Variants in NPAS1 observed in about 807,000 individuals in gnomAD.
The protein encoded by NPAS1 is neuronal PAS domain-containing protein 1.
A neutral mutation model predicts 49.2 loss-of-function variants in NPAS1; 29 were observed. The observed-to-expected ratio is 0.59, with a 90% confidence interval of 0.44 to 0.80. The LOEUF is 0.80. Ranked by LOEUF, NPAS1 falls within the 30% of genes least tolerant of loss-of-function variation. The pLI is 0.00. For synonymous variants in NPAS1, 408 were observed against 380.4 expected, an observed-to-expected ratio of 1.07 and a Z score of -0.84; for missense variants, 825 against 835.5, an observed-to-expected ratio of 0.99 and a Z score of 0.15.
chr19:47,020,910 CT>C, intron 1 of NPAS1, 95 bp from the exon 2 acceptor site: 1 of 385,044 alleles, frequency 2.6e-6, no homozygotes, highest in Non-Finnish European at 4.6e-6. Context: ...CCCCCCCCAG[CT>C]CCTTGCTGGG....
At chr19:47,044,859 A>C (rs2122566554) in intron 11 of NPAS1, among the ~76,000 whole-genome samples, 1 of 152,068 alleles carries the variant, frequency 6.6e-6, no homozygotes, top group African/African-American at 2.4e-5. Context: ...GCGACACCCC[A>C]TCTCTACTTA....
At chr19:47,043,437 A>C (rs1466746325) in intron 11 of NPAS1, among the ~76,000 whole-genome samples, 2 of 151,866 alleles carry the variant, frequency 1.3e-5, no homozygotes, top group African/African-American at 4.8e-5. Context: ...AAAATACAAA[A>C]AAATTAGCTG....
At position 47,021,656 on chromosome 19, in the gene NPAS1, C is replaced by G. The variant is rs1307460034; in HGVS notation, c.167C>G (p.Ser56Trp). 1 of 1,554,298 alleles carries G rather than the reference C, an allele frequency of 6.4e-7. No individual in the cohort carries two copies. Among genetic ancestry groups the G allele is most frequent in the African/African-American group, 1.4e-5 (1 of 71,324 alleles). Residue 56 changes from serine to tryptophan, a missense_variant, in exon 3 of 12, where the codon TCG (serine) becomes TGG (tryptophan). By Grantham distance (177) the Ser-to-Trp change is radical. Coordinates refer to ENST00000602212, the MANE Select transcript of NPAS1 (RefSeq NM_002517.4). The surrounding 1 kb of genome is among the most constrained non-coding windows in gnomAD (Gnocchi z 5.7). The part of the protein sequence containing the change: ...RKEKSRNAAR[S>W]RRGKENLEFF... The stretch of plus-strand genomic sequence containing the variant: ...GAGAAGTCCCGGAACGCGGCGCGCT[C>G]GCGGCGCGGGAAGGAGAACCTGGAG...
At position 47,020,979 on chromosome 19, in the gene NPAS1, G is replaced by C. The variant is rs537115328; in HGVS notation, c.-42-27G>C. On this transcript the variant is annotated intron_variant, in intron 1 of 11. Transcript: ENST00000602212. ...AGAAGGTCTCCCGAGGGCACTAAGC[G>C]TTGCCCCTGGCCCCCTCCCGCTGCA... The C allele has an allele frequency of 1.6e-4, 222 of 1,430,268 alleles. No homozygotes were observed. The African/African-American group carries it at 2.8e-3, about 18-fold the overall frequency. The allele number at this position is 1,430,268 out of a possible 1,614,324, so 88.6% of individuals were successfully genotyped here.
At chr19:47,035,191 A>AG (rs1555771732) in intron 5 of NPAS1, 1 of 148,898 alleles carries the variant, frequency 6.7e-6, no homozygotes, top group Admixed American at 6.7e-5. Flanking sequence ...AAAAAAATAA[A>AG]AAGAAGAAGA....
chr19:47,037,508 G>A (rs538746634), intron 6 of NPAS1, among the ~76,000 whole-genome samples: 1 of 152,126 alleles, frequency 6.6e-6, no homozygotes, highest in East Asian at 1.9e-4. Context: ...TTGGATTCTA[G>A]CCCAGGTCTG....
At chr19:47,043,701 G>A (rs1039125236) in intron 11 of NPAS1, among the ~76,000 whole-genome samples, 1 of 152,082 alleles carries the variant, frequency 6.6e-6, no homozygotes, top group African/African-American at 2.4e-5. Flanking sequence ...AGGTTGCAGT[G>A]AGCTGAGATC....
At position 47,021,700 on chromosome 19, in the gene NPAS1, C is replaced by A. The variant is rs1047896673; in HGVS notation, c.211C>A (p.Leu71Ile). ...ENLEFFELAK[L>I]LPLPGAISSQ... Reference sequence around the variant, plus strand: ...CCTGGAGTTCTTCGAGCTGGCCAAGCTTCTCCCGCTGCCCGGCGCCATCTC... The same window carrying A: ...CCTGGAGTTCTTCGAGCTGGCCAAGATTCTCCCGCTGCCCGGCGCCATCTC... Residue 71 changes from leucine to isoleucine, a missense_variant, in exon 3 of 12, where the codon CTT becomes ATT. By Grantham distance (5) the Leu-to-Ile change is conservative. Transcript: ENST00000602212. This position sits in a 1 kb window ranked among gnomAD's most constrained non-coding sequence, Gnocchi z 5.7. The A allele has an allele frequency of 1.3e-6, 2 of 1,558,884 alleles. No individual in the cohort carries two copies. The highest frequency in any genetic ancestry group is 1.7e-6 in the Non-Finnish European group (2 of 1,153,200).
chr19:47,045,362 C>T lies in NPAS1; in HGVS notation c.1484C>T (p.Thr495Ile). The change falls in exon 12 of 12, where the codon ACC becomes ATC. Residue 495 changes from threonine to isoleucine, a missense_variant. Physicochemically the swap from Thr to Ile is moderately conservative, Grantham distance 89. Coordinates refer to ENST00000602212, the MANE Select transcript of NPAS1 (RefSeq NM_002517.4). ...CCGGCCACACCGAGGCCCGAGTTCACCTCTGTCATCCGGGCAGGGGTCCTG... is the reference window on the plus strand; with the variant it reads ...CCGGCCACACCGAGGCCCGAGTTCATCTCTGTCATCCGGGCAGGGGTCCTG... ...SHPATPRPEFTSVIRAGVLKQ... is the reference protein window; with the variant it reads ...SHPATPRPEFISVIRAGVLKQ... 2 of 1,613,706 alleles carry T rather than the reference C, an allele frequency of 1.2e-6. No homozygotes were observed. Among genetic ancestry groups the T allele is most frequent in the Non-Finnish European group, 1.7e-6 (2 of 1,179,950 alleles).
At chr19:47,022,542 C>T (rs1439275515) in intron 3 of NPAS1, among the ~76,000 whole-genome samples, 2 of 151,188 alleles carry the variant, frequency 1.3e-5, no homozygotes, top group Non-Finnish European at 2.9e-5. Flanking sequence ...CAAGCCACCG[C>T]TATGCGGCCA....
At chr19:47,038,896 A>G (rs1297469467) in intron 6 of NPAS1, 140 bp from the exon 7 acceptor site, 1 of 682,796 alleles carries the variant, frequency 1.5e-6, no homozygotes, top group Non-Finnish European at 2.6e-6. Context: ...TGAGCTTTCA[A>G]AATCATCAGG....
rs574140757 is a variant in NPAS1, at chr19:47,038,978, G to T, written c.689-58G>T. On this transcript the variant is annotated intron_variant, in intron 6 of 11. Coordinates refer to ENST00000602212, the MANE Select transcript of NPAS1 (RefSeq NM_002517.4). The stretch of plus-strand genomic sequence containing the variant: ...GTCCGGCTGGCTCTGCAAGGGTCAG[G>T]GTGGCCTGTGTGTTTCCTCTTCAGG... The T allele has an allele frequency of 6.8e-6, 10 of 1,466,146 alleles. No individual in the cohort carries two copies. In the Admixed American group the frequency reaches 1.3e-4, roughly 20 times the overall value. 90.8% of individuals were successfully genotyped at this position (1,466,146 alleles called of 1,614,324 possible).
intron 11 of NPAS1, 25 bp from the exon 12 acceptor site, chr19:47,045,166 G>C (rs2057062746): frequency 6.2e-7 from 1 of 1,605,782 alleles, no homozygotes; most frequent in African/African-American, 1.3e-5. Flanking sequence ...GACACACACA[G>C]GCCCTCAGCA....
At chr19:47,039,182 C>T (rs1001541777) in intron 7 of NPAS1, 31 bp downstream of exon 7, 5 of 1,563,504 alleles carry the variant, frequency 3.2e-6, no homozygotes, top group Non-Finnish European at 4.3e-6. Context: ...TCCTGTATTC[C>T]AGGCAGCCAT....
At position 47,042,844 on chromosome 19, in the gene NPAS1, T is replaced by C. The variant is rs1172271126; in HGVS notation, c.1252T>C (p.Phe418Leu). ...GGGTGGCCAAACTCCTTTGGATGCC[T>C]TCCAGCTTCCAGCCAGCGTGGCCTG... ...AEGGQTPLDA[F>L]QLPASVACEE... The change falls in exon 11 of 12, where the codon TTC becomes CTC. Residue 418 changes from phenylalanine to leucine, a missense_variant. Transcript: ENST00000602212. 9.3e-6 allele frequency: 15 copies of C among 1,606,134 alleles called. No individual in the cohort carries two copies. Among genetic ancestry groups the C allele is most frequent in the African/African-American group, 1.3e-5 (1 of 74,334 alleles).
At chr19:47,022,581 G>A (rs73564893) in intron 3 of NPAS1, among the ~76,000 whole-genome samples, 2,878 of 151,872 alleles carry the variant, frequency 0.019, 81 homozygotes, top group African/African-American at 0.064. Flanking sequence ...ACCTTGCAGG[G>A]CTGCTGGAGG....
intron 5 of NPAS1, 149 bp from the exon 6 acceptor site, chr19:47,035,815 G>A (rs2094528720): frequency 1.5e-5 from 11 of 751,090 alleles, no homozygotes; most frequent in Non-Finnish European, 2.3e-5. Context: ...AAAGGTAATT[G>A]TTTTTTGTTT....
Position 47,019,899 on chromosome 19 carries a change from C to T in NPAS1, c.-141C>T. The T allele has an allele frequency of 2.7e-6, 1 of 372,280 alleles. No individual in the cohort carries two copies. 23.1% of individuals were successfully genotyped at this position (372,280 alleles called of 1,614,324 possible). On this transcript the variant is annotated 5_prime_UTR_variant, in exon 1 of 12. Transcript: ENST00000602212. ...CGCGTCCCGCTGCGCCCCGCGCGCC[C>T]CGGGGTCTATGGAGCTGCCCCTCCG...
intron 3 of NPAS1, 55 bp from the exon 4 acceptor site, chr19:47,032,223 C>G (rs1161705996): frequency 6.5e-7 from 1 of 1,534,006 alleles, no homozygotes; most frequent in Non-Finnish European, 9.0e-7. Context: ...CCCGGGGGAC[C>G]TGCCCTGGGC....
Sources: allele counts gnomAD v4.1 joint callset (sites outside exome capture counted in the v4.1 genomes callset), GRCh38; gene constraint gnomAD v4.1.1; non-coding constraint Gnocchi (gnomAD v3.1); transcripts MANE v1.5; gene names NCBI Gene and HGNC (gene_info 2026-07-23, HGNC 2026-07-21).